The following GALK2 variants were observed in gnomAD, a reference collection of about 807,000 sequenced individuals.
GALK2 encodes galactokinase 2.
GALK2 carries 36 observed loss-of-function variants against 52.4 expected under a neutral mutation model. The observed-to-expected ratio is 0.69, with a 90% CI of 0.53 to 0.91. GALK2 has a LOEUF of 0.91. Among genes scored for constraint, GALK2 ranks in the 40% least tolerant of loss-of-function variants. GALK2 has a pLI of 0.00. For missense variants in GALK2, 579 were observed against 559.1 expected, an observed-to-expected ratio of 1.04 and a Z score of -0.36; for synonymous variants, 176 against 199.1, an observed-to-expected ratio of 0.88 and a Z score of 0.98.
At chr15:49,252,294 A>G (rs2091642676) in intron 5 of GALK2, among the ~76,000 whole-genome samples, 1 of 152,080 alleles carries the variant, frequency 6.6e-6, no homozygotes, top group African/African-American at 2.4e-5. Flanking sequence ...ACACACACAT[A>G]CACACACATC....
rs117200020 is a variant in GALK2, at chr15:49,311,521, C to T, written c.968-8083C>T. On this transcript the variant is annotated intron_variant, in intron 8 of 9. Transcript: ENST00000560031. ...AGCACCTAATGGTTTATAATCTCGA[C>T]GTCTTTGCTCTTAACGTTCTTTCTG... Among the ~76,000 whole-genome samples, 1,067 of 152,298 alleles carry T rather than the reference C, an allele frequency of 7.0e-3. 30 individuals are homozygous for T. The highest frequency in any genetic ancestry group is 0.068 in the South Asian group (330 of 4,826).
At chr15:49,276,375 C>T (rs187500394) in intron 5 of GALK2, among the ~76,000 whole-genome samples, 60 of 152,230 alleles carry the variant, frequency 3.9e-4, no homozygotes, top group African/African-American at 1.4e-3. Flanking sequence ...TAGAAATATG[C>T]CTTTGTCCTT....
chr15:49,357,692 T>G (rs1181764485), intron 3 of GALK2, among the ~76,000 whole-genome samples: 2 of 151,878 alleles, frequency 1.3e-5, no homozygotes, highest in Non-Finnish European at 2.9e-5. Flanking sequence ...CTTCTGAAAC[T>G]ATTCCAATCA....
Position 49,254,975 on chromosome 15 carries a change from A to G in GALK2, c.504+15608A>G, listed in dbSNP as rs1029599835. Among the ~76,000 whole-genome samples the G allele has an allele frequency of 1.0e-4, 15 of 143,974 alleles. 1 individual carries two copies. The highest frequency in any genetic ancestry group is 1.9e-4 in the Non-Finnish European group (12 of 63,988). The allele number at this position is 143,974 out of a possible 152,430, so 94.5% of individuals were successfully genotyped here. A position where few individuals can be genotyped will look rare whatever the true frequency, so the allele number is the denominator to read the frequency against. On this transcript the variant is annotated intron_variant, in intron 5 of 9. Coordinates refer to ENST00000560031, the MANE Select transcript of GALK2 (RefSeq NM_002044.4). Reference sequence around the variant, plus strand: ...TAGATCCTTGGAAACATTTTGCCACATTTGCTTTATCTTTCTCTCTACTTT... The same window carrying G: ...TAGATCCTTGGAAACATTTTGCCACGTTTGCTTTATCTTTCTCTCTACTTT...
chr15:49,347,790 G>T (rs2041716169), intron 3 of GALK2, among the ~76,000 whole-genome samples: 1 of 152,106 alleles, frequency 6.6e-6, no homozygotes, highest in Admixed American at 6.5e-5. Flanking sequence ...AGGCTAAGGT[G>T]GGTGGATCAC....
chr15:49,338,718 T>A (rs1479869568), intron 3 of GALK2, among the ~76,000 whole-genome samples: 2 of 152,202 alleles, frequency 1.3e-5, no homozygotes, highest in Non-Finnish European at 2.9e-5. Context: ...TCCTGAAGAG[T>A]GTTTTCCAAC....
upstream of GALK2, among the ~76,000 whole-genome samples, chr15:49,167,930 T>C (rs2084874887): frequency 6.6e-6 from 1 of 152,218 alleles, no homozygotes; most frequent in African/African-American, 2.4e-5. Context: ...AAAATTATAA[T>C]GTACACATTT....
intron 5 of GALK2, among the ~76,000 whole-genome samples, chr15:49,271,217 G>T (rs947255864): frequency 6.6e-6 from 1 of 152,142 alleles, no homozygotes; most frequent in Non-Finnish European, 1.5e-5. Flanking sequence ...CTGTGACTTG[G>T]GTCATATTAT....
chr15:49,286,547 TG>T (rs1169005265), intron 7 of GALK2, among the ~76,000 whole-genome samples: 2 of 152,170 alleles, frequency 1.3e-5, no homozygotes, highest in African/African-American at 4.8e-5. Context: ...CTGGAATATT[TG>T]GGGGGCATAC....
In GALK2 at chr15:49,364,087, G is replaced by A. The variant is rs1478636401; in HGVS notation, c.427-3404G>A. Among the ~76,000 whole-genome samples the A allele has an allele frequency of 4.6e-5, 7 of 152,108 alleles. No individual in the cohort carries two copies. In the East Asian group the frequency reaches 1.4e-3, roughly 29 times the overall value. On this transcript the variant is annotated intron_variant, in intron 3 of 3. Coordinates refer to the GALK2 transcript ENST00000558399. ...TGGCCAGATGTTTTCTTTTTTTATT[G>A]TGTCTATGCCAGGTTTTGATATTAG... is the stretch of plus-strand genomic sequence containing the variant.
intron 1 of GALK2, among the ~76,000 whole-genome samples, chr15:49,182,272 T>G (rs1469983658): frequency 6.6e-6 from 1 of 152,228 alleles, no homozygotes; most frequent in Non-Finnish European, 1.5e-5. Context: ...ATGACTTGTT[T>G]CACTTAACAT....
At chr15:49,299,735 T>TTTCTTTTCTTTCTTTC (rs1347140534) in intron 8 of GALK2, among the ~76,000 whole-genome samples, 64 of 77,550 alleles carry the variant, frequency 8.3e-4, no homozygotes, top group African/African-American at 2.2e-3. Context: ...TCTTTCTTTC[T>TTTCTTTTCTTTCTTTC]TTTCTTTCTT....
At position 49,329,063 on chromosome 15, in the gene GALK2, G is replaced by A. The variant is rs750010916; in HGVS notation, c.*904G>A. The A allele has an allele frequency of 3.3e-5, 33 of 996,122 alleles. No homozygotes were observed. Among genetic ancestry groups the A allele is most frequent in the Non-Finnish European group, 3.8e-5 (32 of 836,612 alleles). 61.7% of individuals were successfully genotyped at this position (996,122 alleles called of 1,614,324 possible). ...CTCAAATACCTCTCTAATCCAAGAG[G>A]CACTTCCAAGAAATTCCACACATTC... is the stretch of plus-strand genomic sequence containing the variant. On this transcript the variant is annotated 3_prime_UTR_variant, in exon 10 of 10. Coordinates refer to ENST00000560031, the MANE Select transcript of GALK2 (RefSeq NM_002044.4).
rs1252555083 is a variant in GALK2 at position 49,283,794 on chromosome 15, A to G, written c.756+76A>G. 2.0e-6 allele frequency: 3 copies of G among 1,475,576 alleles called. No individual in the cohort carries two copies. In the South Asian group the frequency reaches 3.8e-5, roughly 19 times the overall value. The allele number at this position is 1,475,576 out of a possible 1,614,324, so 91.4% of individuals were successfully genotyped here. ...TATTTTCATTGTTCTCTATTACTTT[A>G]TCTCTTTCCCCAAATTTTAGGGCAA... On this transcript the variant is annotated intron_variant, in intron 7 of 9. Coordinates refer to ENST00000560031, the MANE Select transcript of GALK2 (RefSeq NM_002044.4).
chr15:49,242,934 G>A (rs2091168724), intron 5 of GALK2, among the ~76,000 whole-genome samples: 1 of 152,128 alleles, frequency 6.6e-6, no homozygotes, highest in Non-Finnish European at 1.5e-5. Flanking sequence ...TTTATCTTTG[G>A]TAAGCCAAGG....
chr15:49,189,889 G>A (rs933559645), intron 1 of GALK2, among the ~76,000 whole-genome samples: 1 of 152,074 alleles, frequency 6.6e-6, no homozygotes, highest in African/African-American at 2.4e-5. Flanking sequence ...TCAGACCATG[G>A]TTGACAGCAG....
chr15:49,170,300 G>C lies in GALK2; in HGVS notation c.-23G>C, dbSNP rs768276574. On this transcript the variant is annotated 5_prime_UTR_variant, in exon 1 of 10. Coordinates refer to ENST00000560031, the MANE Select transcript of GALK2 (RefSeq NM_002044.4). Reference sequence around the variant, plus strand: ...TTTGCTTAGACACTTGAAACTACAGGAGAAAGAAGGATCTAGCGAAATATG... The same window carrying C: ...TTTGCTTAGACACTTGAAACTACAGCAGAAAGAAGGATCTAGCGAAATATG... 16 of 1,572,386 alleles carry C rather than the reference G, an allele frequency of 1.0e-5. No homozygotes were observed. In the East Asian group the frequency reaches 3.7e-4, roughly 37 times the overall value.
intron 7 of GALK2, among the ~76,000 whole-genome samples, chr15:49,291,420 T>TC (rs1168125980): frequency 2.0e-5 from 3 of 152,086 alleles, no homozygotes; most frequent in African/African-American, 7.2e-5. Flanking sequence ...AAAGAGAAAA[T>TC]CATCAACATA....
In GALK2 at chr15:49,283,620, G is replaced by A. The variant is rs2033004457; in HGVS notation, c.658G>A (p.Gly220Arg). The change falls in exon 7 of 10, where the codon GGA becomes AGA. Residue 220 changes from glycine to arginine, a missense_variant. Physicochemically the swap from Gly to Arg is moderately radical, Grantham distance 125. Coordinates refer to ENST00000560031, the MANE Select transcript of GALK2 (RefSeq NM_002044.4). ...GGCAACCGATGTAAAACTCCCAAGT[G>A]GAGCAGTGTTTGTGATTGCCAACAG... ...LRATDVKLPSGAVFVIANSCV... is the reference protein window; with the variant it reads ...LRATDVKLPSRAVFVIANSCV... 2.5e-6 allele frequency: 4 copies of A among 1,613,970 alleles called. No individual in the cohort carries two copies. The East Asian group carries it at 6.7e-5, about 27-fold the overall frequency.
Sources: allele counts gnomAD v4.1 joint callset (sites outside exome capture counted in the v4.1 genomes callset), GRCh38; gene constraint gnomAD v4.1.1; transcripts MANE v1.5; gene names NCBI Gene and HGNC (gene_info 2026-07-23, HGNC 2026-07-21).